Variants in SYNPO2 observed in about 807,000 individuals in gnomAD.
The protein encoded by SYNPO2 is synaptopodin-2.
In SYNPO2, 56 loss-of-function variants were observed where a neutral mutation model predicts 85.0. That is an observed-to-expected ratio of 0.66 (90% CI 0.53 to 0.82). The LOEUF (loss-of-function observed/expected upper bound fraction) is 0.82, where lower values mean the gene tolerates loss of function less well. SYNPO2 is among the 40% of genes least tolerant of loss of function. The pLI, the probability that SYNPO2 is intolerant of heterozygous loss-of-function variation, is 0.00. For synonymous variants in SYNPO2, 602 were observed against 591.1 expected (o/e 1.02, Z -0.27); for missense variants, 1,575 against 1,534.2 (o/e 1.03, Z -0.44).
At chr4:118,929,128 A>G (rs1733834512) in intron 1 of SYNPO2, among the ~76,000 whole-genome samples, 1 of 152,042 alleles carries the variant, frequency 6.6e-6, no homozygotes, top group Admixed American at 6.5e-5. Flanking sequence ...ATAAAGGAAA[A>G]GTAGGAAGGA....
In SYNPO2 at chr4:118,888,865, C is replaced by T. The variant is rs1732263168; in HGVS notation, c.-172C>T. On this transcript the variant is annotated 5_prime_UTR_variant, in exon 1 of 5. Coordinates refer to ENST00000307142, the MANE Select transcript of SYNPO2 (RefSeq NM_133477.3). The stretch of plus-strand genomic sequence containing the variant: ...TGAGCCCATTAGCCGCACAAATTCG[C>T]AGCAGGCGGCTGGGGCGGCGGCTGG... The T allele has an allele frequency of 1.5e-6, 1 of 658,224 alleles. No homozygotes were observed. The highest frequency in any genetic ancestry group is 2.6e-6 in the Non-Finnish European group (1 of 379,120). 40.8% of individuals were successfully genotyped at this position (658,224 alleles called of 1,614,324 possible). A position where few individuals can be genotyped will look rare whatever the true frequency, so the allele number is the denominator to read the frequency against.
chr4:118,917,846 T>C (rs1009816266), intron 1 of SYNPO2, among the ~76,000 whole-genome samples: 2 of 152,218 alleles, frequency 1.3e-5, no homozygotes, highest in Admixed American at 1.3e-4. Flanking sequence ...AGATTTGTGA[T>C]AGAAATACTT....
At chr4:119,038,681 C>T (rs1561019482) in intron 4 of SYNPO2, among the ~76,000 whole-genome samples, 1 of 152,076 alleles carries the variant, frequency 6.6e-6, no homozygotes, top group Non-Finnish European at 1.5e-5. Context: ...CTGAGGGAGT[C>T]ACAAGTTTTC....
Position 119,057,462 on chromosome 4 carries a change from C to T in SYNPO2, c.3314C>T (p.Pro1105Leu). Residue 1105 changes from proline (P) to leucine (L), a missense_variant, in exon 5 of 5, where the codon CCT (proline) becomes CTT (leucine). Physicochemically the swap from Pro to Leu is moderately conservative, Grantham distance 98. Around this residue, in one of 3 missense-constraint regions of SYNPO2, gnomAD observed 1,508 missense variants for 1,446.8 expected, o/e 1.04. Coordinates refer to ENST00000307142, the MANE Select transcript of SYNPO2 (RefSeq NM_133477.3). The stretch of plus-strand genomic sequence containing the variant: ...GTCCCACCCCCCATTTCTACATCTC[C>T]TTGGGTATACCAGCCTACTTATAGT... ...RSVPPPISTS[P>L]WVYQPTYSYS... is the part of the protein sequence containing the mutation. 6.2e-7 allele frequency: 1 copy of T among 1,613,980 alleles called. No homozygotes were observed. The highest frequency in any genetic ancestry group is 1.7e-5 in the Admixed American group (1 of 59,982).
chr4:118,898,773 G>A lies in SYNPO2; in HGVS notation c.105+9632G>A, dbSNP rs987855484. ...GGCACATGAAGCTCTCTGTGATCTG[G>A]ATGCTGACAAACTGTCCAGCCCCAT... On this transcript the variant is annotated intron_variant, in intron 1 of 4. Transcript: ENST00000307142. 5.9e-5 allele frequency among the ~76,000 whole-genome samples: 9 copies of A among 152,296 alleles called. No homozygotes were observed. In the East Asian group the frequency reaches 1.7e-3, roughly 29 times the overall value.
rs368240952 is a variant in SYNPO2, at chr4:119,027,044, G to A, written c.675G>A (p.Lys225=). Residue 225 remains lysine (K), a synonymous_variant, in exon 3 of 5, where the codon AAG becomes AAA. Coordinates refer to ENST00000307142, the MANE Select transcript of SYNPO2 (RefSeq NM_133477.3). ...CTCTCCCGGGAGCTGAAAAATCTAA[G>A]TCTCCTGACCCAGACCCTAACTTGT... ...LVALPGAEKS[K]SPDPDPNLSH... 1.2e-4 allele frequency: 194 copies of A among 1,614,136 alleles called. 3 individuals are homozygous for A. The South Asian group carries it at 1.7e-3, about 15-fold the overall frequency.
chr4:118,944,898 A>C (rs1349056034), intron 1 of SYNPO2, among the ~76,000 whole-genome samples: 1 of 152,170 alleles, frequency 6.6e-6, no homozygotes, highest in Admixed American at 6.5e-5. Context: ...GATAAGAGAG[A>C]GAATGGTGTG....
At chr4:118,879,329 T>TG (rs1732018319) in intron 1 of SYNPO2, among the ~76,000 whole-genome samples, 1 of 152,234 alleles carries the variant, frequency 6.6e-6, no homozygotes, top group African/African-American at 2.4e-5. Context: ...CCCTAGGCTC[T>TG]GGGGAACTGA....
intron 1 of SYNPO2, among the ~76,000 whole-genome samples, chr4:118,875,709 G>C (rs1432355826): frequency 6.6e-6 from 1 of 152,068 alleles, no homozygotes; most frequent in Non-Finnish European, 1.5e-5. Context: ...CTACCTTCTG[G>C]CTCTGTACAT....
intron 4 of SYNPO2, among the ~76,000 whole-genome samples, chr4:119,056,191 G>C (rs1044121666): frequency 6.6e-6 from 1 of 152,184 alleles, no homozygotes; most frequent in African/African-American, 2.4e-5. Context: ...TGGATAGCCA[G>C]CCATCAGCAT....
chr4:118,876,646 T>C (rs923272039), intron 1 of SYNPO2, among the ~76,000 whole-genome samples: 82 of 148,402 alleles, frequency 5.5e-4, no homozygotes, highest in Non-Finnish European at 8.6e-4. Context: ...TTCCTTCCTT[T>C]CTTCCTTCCT....
intron 1 of SYNPO2, among the ~76,000 whole-genome samples, chr4:119,005,270 GC>G: frequency 6.6e-6 from 1 of 152,260 alleles, no homozygotes; most frequent in Non-Finnish European, 1.5e-5. Context: ...TGTTGCCATT[GC>G]TTTTGGCGTT....
intron 4 of SYNPO2, chr4:119,033,880 C>T: frequency 1.0e-6 from 1 of 985,274 alleles, no homozygotes; most frequent in Non-Finnish European, 1.2e-6. Flanking sequence ...AAACTGTAAT[C>T]CTTAGGTATT....
At chr4:118,922,875 A>T (rs1168679442) in intron 1 of SYNPO2, among the ~76,000 whole-genome samples, 2 of 152,162 alleles carry the variant, frequency 1.3e-5, no homozygotes, top group Admixed American at 6.6e-5. Flanking sequence ...TAAAAAATAA[A>T]ATCTTTTTAT....
chr4:119,012,507 C>T (rs1056444661), intron 1 of SYNPO2, among the ~76,000 whole-genome samples: 1 of 151,686 alleles, frequency 6.6e-6, no homozygotes, highest in South Asian at 2.1e-4. Flanking sequence ...GCTTTAAGCC[C>T]TGCATGGATT....
At chr4:119,033,822 C>T (rs1466761731) in intron 4 of SYNPO2, 2 of 983,366 alleles carry the variant, frequency 2.0e-6, no homozygotes, top group African/African-American at 1.7e-5. Flanking sequence ...ATATGGCTCC[C>T]ACAACAATTT....
chr4:118,966,724 A>AC (rs1560921314), intron 1 of SYNPO2, among the ~76,000 whole-genome samples: 2 of 151,452 alleles, frequency 1.3e-5, no homozygotes, highest in East Asian at 1.9e-4. Context: ...CAAGTGAAAG[A>AC]CCCCCCTCCC....
At chr4:118,911,059 A>G (rs553633676) in intron 1 of SYNPO2, among the ~76,000 whole-genome samples, 2 of 152,250 alleles carry the variant, frequency 1.3e-5, no homozygotes, top group South Asian at 4.1e-4. Flanking sequence ...TATACTTTAT[A>G]TTTCTTTTAT....
In SYNPO2 at chr4:119,054,215, T is replaced by C. The variant is rs185219269; in HGVS notation, c.3253-3186T>C. Among the ~76,000 whole-genome samples, 284 of 152,322 alleles carry C rather than the reference T, an allele frequency of 1.9e-3. 2 individuals carry two copies. The highest frequency in any genetic ancestry group is 6.5e-3 in the African/African-American group (272 of 41,574). On this transcript the variant is annotated intron_variant, in intron 4 of 4. Transcript: ENST00000307142. Reference sequence around the variant, plus strand: ...ACAGCGGTGCCCAGGTGGGGGTGCTTGCGACCCCAAAGCCCCAGAGGGAGC... The same window carrying C: ...ACAGCGGTGCCCAGGTGGGGGTGCTCGCGACCCCAAAGCCCCAGAGGGAGC...
Sources: allele counts gnomAD v4.1 joint callset (sites outside exome capture counted in the v4.1 genomes callset), GRCh38; gene constraint gnomAD v4.1.1; regional missense constraint gnomAD v4.1.1; transcripts MANE v1.5; gene names NCBI Gene and HGNC (gene_info 2026-07-23, HGNC 2026-07-21).